Variants in ZDHHC17 observed in about 807,000 individuals in gnomAD.
ZDHHC17 encodes zDHHC palmitoyltransferase 17, also known as palmitoyltransferase ZDHHC17.
ZDHHC17 carries 40 observed loss-of-function variants against 90.3 expected under a neutral mutation model. The ratio of observed to expected loss-of-function variants is 0.44; its 90% confidence interval spans 0.34 to 0.58. The LOEUF is 0.58. Among genes scored for constraint, ZDHHC17 ranks in the 20% least tolerant of loss-of-function variants. ZDHHC17 has a pLI of 0.01. For missense variants in ZDHHC17, 614 were observed against 780.8 expected (o/e 0.79, Z 2.55); for synonymous variants, 235 against 252.4 (o/e 0.93, Z 0.65).
chr12:76,831,435 CT>C (rs1450305067), intron 10 of ZDHHC17, among the ~76,000 whole-genome samples: 14 of 152,182 alleles, frequency 9.2e-5, no homozygotes, highest in African/African-American at 3.1e-4. Context: ...ACTGCAACCT[CT>C]GCCTTCCAGG....
chr12:76,827,544 A>G (rs1953244370), intron 9 of ZDHHC17, among the ~76,000 whole-genome samples: 1 of 152,080 alleles, frequency 6.6e-6, no homozygotes, highest in South Asian at 2.1e-4. Flanking sequence ...CATCATGATC[A>G]TTCCGTTTTC....
At chr12:76,843,975 T>G (rs887439560) in intron 12 of ZDHHC17, 1 of 152,170 alleles carries the variant, frequency 6.6e-6, no homozygotes, top group African/African-American at 2.4e-5. Flanking sequence ...ACCGACCAGA[T>G]TCTTTTATAT....
chr12:76,770,400 T>C (rs1187395896), intron 1 of ZDHHC17, among the ~76,000 whole-genome samples: 1 of 152,192 alleles, frequency 6.6e-6, no homozygotes, highest in Non-Finnish European at 1.5e-5. Flanking sequence ...GGAGTGTTTA[T>C]TGAGAATCCA....
chr12:76,783,813 A>C (rs1222152483), intron 1 of ZDHHC17, among the ~76,000 whole-genome samples: 1 of 152,258 alleles, frequency 6.6e-6, no homozygotes, highest in African/African-American at 2.4e-5. Context: ...AATCACATAT[A>C]TCCATATAAG....
intron 8 of ZDHHC17, among the ~76,000 whole-genome samples, chr12:76,826,053 A>G (rs1953226341): frequency 6.6e-6 from 1 of 152,138 alleles, no homozygotes. Flanking sequence ...TCTTGGGCTC[A>G]AGCGATTCTC....
rs1260400471 is a variant in ZDHHC17, at chr12:76,822,409, G to A, written c.775G>A (p.Glu259Lys). Residue 259 changes from glutamate to lysine, a missense_variant, in exon 8 of 17, where the codon GAA becomes AAA. Glu to Lys is a moderately conservative substitution (Grantham distance 56). Around this residue, in one of 5 missense-constraint regions of ZDHHC17, gnomAD observed 358 missense variants for 380.4 expected, o/e 0.94. Coordinates refer to ENST00000426126, the MANE Select transcript of ZDHHC17 (RefSeq NM_015336.4). ...TTTCTTCTGTTTATATTATCAGGGC[G>A]AATCAGCGCTTGATTTGGCAAAACA... ...ANVDAQNIKG[E>K]SALDLAKQRK... 1.9e-6 allele frequency: 3 copies of A among 1,613,304 alleles called. No homozygotes were observed. The highest frequency in any genetic ancestry group is 1.7e-6 in the Non-Finnish European group (2 of 1,179,448).
chr12:76,802,212 C>G (rs12322342), intron 2 of ZDHHC17, among the ~76,000 whole-genome samples: 1 of 152,116 alleles, frequency 6.6e-6, no homozygotes, highest in Non-Finnish European at 1.5e-5. Context: ...GACAATTTTG[C>G]TGAATATAGG....
chr12:76,816,868 A>T (rs578110020), intron 7 of ZDHHC17, among the ~76,000 whole-genome samples: 28 of 152,154 alleles, frequency 1.8e-4, no homozygotes, highest in African/African-American at 5.1e-4. Context: ...GTTAAAAGTA[A>T]ATTAATATTG....
At chr12:76,809,566 A>G (rs1952995605) in intron 4 of ZDHHC17, 147 bp from the exon 5 acceptor site, 1 of 586,978 alleles carries the variant, frequency 1.7e-6, no homozygotes. Context: ...AAAATCCTAA[A>G]TGTATTTTGA....
chr12:76,799,272 G>T (rs1952859562), intron 2 of ZDHHC17, among the ~76,000 whole-genome samples: 2 of 152,170 alleles, frequency 1.3e-5, no homozygotes, highest in African/African-American at 4.8e-5. Flanking sequence ...AAAGCATAAA[G>T]TGGTATCTGT....
At chr12:76,821,414 A>G (rs1216124609) in intron 7 of ZDHHC17, among the ~76,000 whole-genome samples, 1 of 152,006 alleles carries the variant, frequency 6.6e-6, no homozygotes, top group Non-Finnish European at 1.5e-5. Context: ...TTATTTTATA[A>G]TATTAAATAA....
rs902619442 is a variant in ZDHHC17 at position 76,790,568 on chromosome 12, G to A, written c.94-6866G>A. ...CATTATAATACACTGCATACAATAC[G>A]ATACATATATTGTTACAAATACATG... is the stretch of plus-strand genomic sequence containing the variant. On this transcript the variant is annotated intron_variant, in intron 1 of 16. Transcript: ENST00000426126. Among the ~76,000 whole-genome samples, 6 of 152,140 alleles carry A rather than the reference G, an allele frequency of 3.9e-5. No individual in the cohort carries two copies. In the East Asian group the frequency reaches 1.2e-3, roughly 29 times the overall value.
In ZDHHC17 at chr12:76,764,312, C is replaced by G. The variant is rs367734016; in HGVS notation, c.76C>G (p.Pro26Ala). ...GTACGATACCGAAGCGGGCTGTGTGCCCCTTCTCCACCCAGAGGTGAGGAA... is the reference window on the plus strand; with the variant it reads ...GTACGATACCGAAGCGGGCTGTGTGGCCCTTCTCCACCCAGAGGTGAGGAA... Reference protein sequence around the residue: ...DEYDTEAGCVPLLHPEEIKPQ... With the variant: ...DEYDTEAGCVALLHPEEIKPQ... Residue 26 changes from proline (P) to alanine (A), a missense_variant, in exon 1 of 17, where the codon CCC (proline) becomes GCC (alanine). Pro to Ala is a conservative substitution (Grantham distance 27, BLOSUM62 -1). This residue lies in a region of ZDHHC17 where 358 missense variants were observed against 380.4 expected (regional missense o/e 0.94). Transcript: ENST00000426126. 1 of 1,602,346 alleles carries G rather than the reference C, an allele frequency of 6.2e-7. No homozygotes were observed. The highest frequency in any genetic ancestry group is 8.5e-7 in the Non-Finnish European group (1 of 1,174,640).
rs1565794161 is a variant in ZDHHC17, at chr12:76,824,094, T to TA, written c.897+1563_897+1564insA. Among the ~76,000 whole-genome samples the TA allele has an allele frequency of 7.7e-3, 1,169 of 151,246 alleles. 12 individuals are homozygous for TA. The highest frequency in any genetic ancestry group is 0.026 in the African/African-American group (1,070 of 41,252). The stretch of plus-strand genomic sequence containing the variant: ...GAAGTTTTATTTTATATATGTATAT[T>TA]CACACACACACATATAGTCATAAAT... On this transcript the variant is annotated intron_variant, in intron 8 of 16. Transcript: ENST00000426126.
chr12:76,778,411 G>C (rs1434654878), intron 1 of ZDHHC17, among the ~76,000 whole-genome samples: 1 of 152,088 alleles, frequency 6.6e-6, no homozygotes, highest in Non-Finnish European at 1.5e-5. Context: ...AGTAGAGACG[G>C]GGTTTCACTA....
intron 1 of ZDHHC17, among the ~76,000 whole-genome samples, chr12:76,785,132 T>C (rs1952670590): frequency 6.6e-6 from 1 of 152,230 alleles, no homozygotes; most frequent in African/African-American, 2.4e-5. Context: ...CTGAATTGGC[T>C]CCTTCTAACT....
intron 5 of ZDHHC17, among the ~76,000 whole-genome samples, chr12:76,811,053 C>G (rs1953013178): frequency 6.6e-6 from 1 of 152,084 alleles, no homozygotes; most frequent in South Asian, 2.1e-4. Context: ...TTAGAGCTCC[C>G]AAAAGAACAA....
chr12:76,785,401 A>G (rs1255842233), intron 1 of ZDHHC17, among the ~76,000 whole-genome samples: 2 of 152,188 alleles, frequency 1.3e-5, no homozygotes, highest in South Asian at 2.1e-4. Flanking sequence ...TCACCTTACG[A>G]TGGGACCACA....
intron 10 of ZDHHC17, among the ~76,000 whole-genome samples, chr12:76,835,767 T>C (rs1953355567): frequency 6.6e-6 from 1 of 152,028 alleles, no homozygotes; most frequent in African/African-American, 2.4e-5. Flanking sequence ...CAGTACACTG[T>C]GGAATAGACA....
Sources: gnomAD v4.1 joint callset for allele counts (sites outside exome capture counted in the v4.1 genomes callset) on GRCh38, gnomAD v4.1.1 for gene constraint, gnomAD v4.1.1 regional missense constraint, MANE v1.5 for transcripts, NCBI Gene and HGNC (gene_info 2026-07-23, HGNC 2026-07-21) for gene names.